The following TRIO variants were observed in gnomAD, a reference collection of about 807,000 sequenced individuals.
The protein encoded by TRIO is trio Rho guanine nucleotide exchange factor.
TRIO carries 58 observed loss-of-function variants against 351.9 expected under a neutral mutation model. That is an observed-to-expected ratio of 0.16 (90% confidence interval 0.13 to 0.21). The LOEUF (loss-of-function observed/expected upper bound fraction) is 0.21, where lower values mean the gene tolerates loss of function less well. Ranked by LOEUF, TRIO falls within the 10% of genes least tolerant of loss-of-function variation. TRIO has a pLI of 1.00. For missense variants in TRIO, 3,201 were observed against 4,027.8 expected, an observed-to-expected ratio of 0.79 and a Z score of 5.56; for synonymous variants, 1,758 against 1,595.7, an observed-to-expected ratio of 1.10 and a Z score of -2.42.
intron 34 of TRIO, among the ~76,000 whole-genome samples, chr5:14,451,706 C>T (rs759133340): frequency 1.3e-5 from 2 of 152,226 alleles, no homozygotes; most frequent in Non-Finnish European, 2.9e-5. Flanking sequence ...CTGCAAAGTG[C>T]CTTTGAATTA....
At chr5:14,390,620 G>A (rs947947446) in intron 26 of TRIO, 5 of 532,416 alleles carry the variant, frequency 9.4e-6, no homozygotes, top group East Asian at 3.2e-5. Context: ...ACAGGTGAAC[G>A]TGCGGTCATG....
At chr5:14,366,756 C>A in intron 15 of TRIO, 104 bp from the exon 16 acceptor site, 1 of 1,520,348 alleles carries the variant, frequency 6.6e-7, no homozygotes, top group Non-Finnish European at 8.9e-7. Context: ...CTCGTACCTG[C>A]CAGGAGCAAC....
At chr5:14,271,710 A>G (rs1013651870) in intron 2 of TRIO, among the ~76,000 whole-genome samples, 1 of 152,180 alleles carries the variant, frequency 6.6e-6, no homozygotes, top group Non-Finnish European at 1.5e-5. Context: ...CTTTTAGATG[A>G]ATTTCCCTTG....
At chr5:14,287,634 C>T (rs1249198528) in intron 4 of TRIO, among the ~76,000 whole-genome samples, 1 of 152,152 alleles carries the variant, frequency 6.6e-6, no homozygotes, top group Non-Finnish European at 1.5e-5. Flanking sequence ...ACCCTCAGCC[C>T]ACTAATTATT....
At chr5:14,203,782 A>G (rs978887230) in intron 1 of TRIO, among the ~76,000 whole-genome samples, 2 of 152,118 alleles carry the variant, frequency 1.3e-5, no homozygotes, top group Non-Finnish European at 2.9e-5. Context: ...CTGAAGCTGT[A>G]CAAAGCCTAG....
chr5:14,371,446 A>G lies in TRIO; in HGVS notation c.3216+1923A>G, dbSNP rs530845644. ...CCTTACCCAACTTTTCTGATTATCA[A>G]TGTATGGGCATATATCTACCTTCAG... On this transcript the variant is annotated intron_variant, in intron 18 of 56. Transcript: ENST00000344204. Among the ~76,000 whole-genome samples the G allele has an allele frequency of 3.2e-4, 49 of 152,308 alleles. No homozygotes were observed. The Middle Eastern group carries it at 0.017, about 53-fold the overall frequency.
chr5:14,472,644 G>C lies in TRIO; in HGVS notation c.5965G>C (p.Gly1989Arg). 6.2e-7 allele frequency: 1 copy of C among 1,613,944 alleles called. No individual in the cohort carries two copies. Among genetic ancestry groups the C allele is most frequent in the Non-Finnish European group, 8.5e-7 (1 of 1,179,906 alleles). The change falls in exon 39 of 57, where the codon GGC becomes CGC. Residue 1989 changes from glycine (G) to arginine (R), a missense_variant. By Grantham distance (125) the Gly-to-Arg change is moderately radical. Transcript: ENST00000344204. ...ETERDYVRDLGYVVEGYMALM... is the reference protein window; with the variant it reads ...ETERDYVRDLRYVVEGYMALM... ...AGAGCGTGACTATGTGCGGGACCTT[G>C]GCTATGTGGTTGAGGTGTGTATTGC...
At position 14,487,816 on chromosome 5, in the gene TRIO, C is replaced by A; in HGVS notation, c.7188C>A (p.Gly2396=). ...GPSAPSRRPP[G]ADAEGSEREA... ...GCGCGCCCAGCAGGCGGCCCCCCGG[C>A]GCGGACGCCGAGGGGTCCGAGCGAG... Residue 2396 remains glycine, a synonymous_variant, in exon 48 of 57, where the codon GGC becomes GGA. Coordinates refer to ENST00000344204, the MANE Select transcript of TRIO (RefSeq NM_007118.4). 1 of 1,464,252 alleles carries A rather than the reference C, an allele frequency of 6.8e-7. No homozygotes were observed. Among genetic ancestry groups the A allele is most frequent in the Non-Finnish European group, 9.0e-7 (1 of 1,107,094 alleles). 90.7% of individuals were successfully genotyped at this position (1,464,252 alleles called of 1,614,324 possible). A position where few individuals can be genotyped will look rare whatever the true frequency, so the allele number is the denominator to read the frequency against.
chr5:14,243,289 T>C (rs542906714), intron 1 of TRIO, among the ~76,000 whole-genome samples: 1 of 152,230 alleles, frequency 6.6e-6, no homozygotes, highest in East Asian at 1.9e-4. Flanking sequence ...TTTCTCTCAA[T>C]GTTTTGCTCG....
rs568500739 is a variant in TRIO at position 14,279,653 on chromosome 5, C to G, written c.233-669C>G. Among the ~76,000 whole-genome samples, 7 of 152,186 alleles carry G rather than the reference C, an allele frequency of 4.6e-5. No individual in the cohort carries two copies. In the East Asian group the frequency reaches 1.3e-3, roughly 29 times the overall value. Reference sequence around the variant, plus strand: ...GTTAACAAGAAATCGTTCTGCCTGCCTGTCTGTCAAAGTCACATACTCTGA... The same window carrying G: ...GTTAACAAGAAATCGTTCTGCCTGCGTGTCTGTCAAAGTCACATACTCTGA... On this transcript the variant is annotated intron_variant, in intron 2 of 56. Transcript: ENST00000344204.
intron 20 of TRIO, among the ~76,000 whole-genome samples, chr5:14,380,908 A>G (rs1394152301): frequency 6.6e-6 from 1 of 152,264 alleles, no homozygotes; most frequent in South Asian, 2.1e-4. Context: ...TTGTTGCGAC[A>G]TAAGTGATAC....
chr5:14,369,496 C>T lies in TRIO; in HGVS notation c.3189C>T (p.His1063=), dbSNP rs1040709793. 1 of 1,613,974 alleles carries T rather than the reference C, an allele frequency of 6.2e-7. No individual in the cohort carries two copies. The highest frequency in any genetic ancestry group is 8.5e-7 in the Non-Finnish European group (1 of 1,179,970). Reference sequence around the variant, plus strand: ...ACGTGACGCCCATGATCAGCAAGCACCTGGAGCAGAAGGAGGCATTCCTGA... The same window carrying T: ...ACGTGACGCCCATGATCAGCAAGCATCTGGAGCAGAAGGAGGCATTCCTGA... ...TDHVTPMISK[H]LEQKEAFLKA... is the part of the protein sequence containing the mutation. Residue 1063 remains histidine, a synonymous_variant, in exon 18 of 57, where the codon CAC becomes CAT. Transcript: ENST00000344204.
intron 48 of TRIO, 76 bp from the exon 49 acceptor site, chr5:14,492,487 CACTG>C (rs1345642274): frequency 6.4e-7 from 1 of 1,565,690 alleles, no homozygotes; most frequent in Non-Finnish European, 8.7e-7. Flanking sequence ...CCATGGGGCA[CACTG>C]ACAAGGGATT....
chr5:14,428,575 T>C (rs1750838245), intron 34 of TRIO, among the ~76,000 whole-genome samples: 1 of 152,036 alleles, frequency 6.6e-6, no homozygotes, highest in South Asian at 2.1e-4. Flanking sequence ...GATTAAGGAG[T>C]GTTTTCTACA....
At position 14,509,657 on chromosome 5, in the gene TRIO, G is replaced by A. The variant is rs1757960362; in HGVS notation, c.*1235G>A. The A allele has an allele frequency of 3.0e-6, 1 of 330,726 alleles. No individual in the cohort carries two copies. The highest frequency in any genetic ancestry group is 2.2e-5 in the African/African-American group (1 of 44,816). The allele number at this position is 330,726 out of a possible 1,614,324, so 20.5% of individuals were successfully genotyped here. A position where few individuals can be genotyped will look rare whatever the true frequency, so the allele number is the denominator to read the frequency against. The stretch of plus-strand genomic sequence containing the variant: ...TGTATAAAAATTGGCTGGGTTTTGA[G>A]CTTTTGGTAAGAAATAAAAGCCGAT... On this transcript the variant is annotated 3_prime_UTR_variant, in exon 57 of 57. Transcript: ENST00000344204.
intron 1 of TRIO, among the ~76,000 whole-genome samples, chr5:14,165,314 G>A (rs1341142555): frequency 1.3e-5 from 2 of 152,058 alleles, no homozygotes; most frequent in African/African-American, 4.8e-5. Context: ...CTGTATTTAC[G>A]TCCATGCATC....
intron 33 of TRIO, among the ~76,000 whole-genome samples, chr5:14,415,223 ACCCACCT>A (rs1749540551): frequency 6.6e-6 from 1 of 152,126 alleles, no homozygotes. Context: ...ATTGGTCAGA[ACCCACCT>A]GCAATTGATC....
In TRIO at chr5:14,316,757, C is replaced by T. The variant is rs1246644825; in HGVS notation, c.1731+14C>T. On this transcript the variant is annotated intron_variant, in intron 9 of 56. Coordinates refer to ENST00000344204, the MANE Select transcript of TRIO (RefSeq NM_007118.4). ...GACGTTCAGCAGGTCAGTTTCGCCTCATGCCCTTCTGCATGGGAAATGGCT... is the reference window on the plus strand; with the variant it reads ...GACGTTCAGCAGGTCAGTTTCGCCTTATGCCCTTCTGCATGGGAAATGGCT... 18 of 1,607,210 alleles carry T rather than the reference C, an allele frequency of 1.1e-5. No individual in the cohort carries two copies. The highest frequency in any genetic ancestry group is 2.3e-5 in the East Asian group (1 of 44,406).
At chr5:14,171,981 T>G (rs1225704425) in intron 1 of TRIO, among the ~76,000 whole-genome samples, 1 of 152,236 alleles carries the variant, frequency 6.6e-6, no homozygotes, top group Non-Finnish European at 1.5e-5. Context: ...ATTCCTCTTA[T>G]GTTTTGAAAA....
Sources: allele counts gnomAD v4.1 joint callset (sites outside exome capture counted in the v4.1 genomes callset), GRCh38; gene constraint gnomAD v4.1.1; transcripts MANE v1.5; gene names NCBI Gene and HGNC (gene_info 2026-07-23, HGNC 2026-07-21).